FSTL5: variants seen among roughly 807,000 people sequenced by gnomAD.
The protein encoded by FSTL5 is follistatin-related protein 5.
FSTL5 carries 62 observed loss-of-function variants against 89.1 expected under a neutral mutation model. That is an observed-to-expected ratio of 0.70 (90% CI 0.57 to 0.86). The LOEUF is 0.86. Ranked by LOEUF, FSTL5 falls within the 40% of genes least tolerant of loss-of-function variation. FSTL5 has a pLI of 0.00. For missense variants in FSTL5, 1,057 were observed against 1,001.6 expected, an observed-to-expected ratio of 1.06 and a Z score of -0.75; for synonymous variants, 383 against 346.2, an observed-to-expected ratio of 1.11 and a Z score of -1.18.
chr4:161,415,686 A>G (rs889519787), intron 15 of FSTL5, among the ~76,000 whole-genome samples: 1 of 149,738 alleles, frequency 6.7e-6, no homozygotes, highest in East Asian at 2.2e-4. Context: ...AGAGAAAGAG[A>G]GAGAAAGAGA....
At chr4:161,756,202 G>A (rs1366310479) in intron 6 of FSTL5, among the ~76,000 whole-genome samples, 1 of 149,704 alleles carries the variant, frequency 6.7e-6, no homozygotes, top group Middle Eastern at 3.2e-3. Context: ...TCCACTAAAT[G>A]ATGTTGTGAA....
intron 1 of FSTL5, among the ~76,000 whole-genome samples, chr4:162,163,248 A>C (rs2110775257): frequency 6.6e-6 from 1 of 152,146 alleles, no homozygotes; most frequent in South Asian, 2.1e-4. Context: ...GATTTATTTA[A>C]CATCATTTGC....
intron 8 of FSTL5, among the ~76,000 whole-genome samples, chr4:161,551,881 C>T (rs922325052): frequency 2.6e-5 from 4 of 151,900 alleles, no homozygotes; most frequent in African/African-American, 9.7e-5. Flanking sequence ...ACCATAAAAA[C>T]CCTAGAAGAA....
At chr4:161,911,684 T>A (rs895988018) in intron 4 of FSTL5, among the ~76,000 whole-genome samples, 4 of 152,156 alleles carry the variant, frequency 2.6e-5, no homozygotes, top group Non-Finnish European at 5.9e-5. Context: ...GGCCAATAAA[T>A]AATTTCTAGC....
At position 161,385,721 on chromosome 4, in the gene FSTL5, C is replaced by A. The variant is rs1447634745; in HGVS notation, c.*26G>T. On this transcript the variant is annotated 3_prime_UTR_variant, in exon 16 of 16. Coordinates refer to ENST00000306100, the MANE Select transcript of FSTL5 (RefSeq NM_020116.5). ...AAGTGCAATGTATTGTAAAACGCTT[C>A]ATTCAATAATTGTATCGTAGGGTTT... The A allele has an allele frequency of 6.2e-6, 9 of 1,440,824 alleles. No individual in the cohort carries two copies. Among genetic ancestry groups the A allele is most frequent in the Admixed American group, 2.1e-5 (1 of 46,744 alleles). 89.3% of individuals were successfully genotyped at this position (1,440,824 alleles called of 1,614,324 possible). A position where few individuals can be genotyped will look rare whatever the true frequency, so the allele number is the denominator to read the frequency against.
rs138334124 is a variant in FSTL5 at position 161,691,454 on chromosome 4, G to A, written c.728-34960C>T. Among the ~76,000 whole-genome samples the A allele has an allele frequency of 6.0e-3, 908 of 152,170 alleles. 13 individuals are homozygous for A. Among genetic ancestry groups the A allele is most frequent in the South Asian group, 0.048 (229 of 4,820 alleles). On this transcript the variant is annotated intron_variant, in intron 6 of 15. Transcript: ENST00000306100. ...GTTATATTTTTGCAGTTTTGAAATT[G>A]AGGCATGTGAATCTTCCCAATTTGT...
intron 4 of FSTL5, among the ~76,000 whole-genome samples, chr4:161,791,337 T>G (rs2126820407): frequency 6.6e-6 from 1 of 152,332 alleles, no homozygotes; most frequent in South Asian, 2.1e-4. Context: ...CTTTGTTTAT[T>G]AGACATATTG....
At chr4:162,089,446 C>A (rs1486628262) in intron 2 of FSTL5, among the ~76,000 whole-genome samples, 2 of 151,588 alleles carry the variant, frequency 1.3e-5, no homozygotes, top group African/African-American at 4.8e-5. Flanking sequence ...ACTAGCCTGG[C>A]CAACATGGTG....
chr4:161,954,487 A>G (rs560941216), intron 3 of FSTL5, among the ~76,000 whole-genome samples: 2 of 150,104 alleles, frequency 1.3e-5, no homozygotes, highest in East Asian at 3.9e-4. Flanking sequence ...ATCCCTTCAG[A>G]CCACCCATTG....
chr4:161,946,717 C>T (rs1734743990), intron 3 of FSTL5, among the ~76,000 whole-genome samples: 1 of 152,150 alleles, frequency 6.6e-6, no homozygotes, highest in African/African-American at 2.4e-5. Flanking sequence ...TTCATGGACA[C>T]ATATTTTTGT....
At chr4:161,869,893 T>C (rs1732208749) in intron 4 of FSTL5, among the ~76,000 whole-genome samples, 4 of 152,352 alleles carry the variant, frequency 2.6e-5, no homozygotes, top group African/African-American at 9.6e-5. Context: ...TTAAAATTTC[T>C]CCTTGTCTTC....
chr4:161,884,060 A>AT (rs5863496), intron 4 of FSTL5, among the ~76,000 whole-genome samples: 126,023 of 151,226 alleles, frequency 0.83, 53,075 homozygotes, highest in Non-Finnish European at 0.89. Context: ...TTTTAATTTA[A>AT]TTTTTTTTGA....
chr4:161,943,641 C>G (rs184082723), intron 3 of FSTL5, among the ~76,000 whole-genome samples: 1 of 145,630 alleles, frequency 6.9e-6, no homozygotes, highest in African/African-American at 2.5e-5. Context: ...CTGCAAGCCC[C>G]GCCTCCAAGG....
rs370133779 is a variant in FSTL5 at position 161,894,374 on chromosome 4, T to C, written c.409+26030A>G. On this transcript the variant is annotated intron_variant, in intron 4 of 15. Transcript: ENST00000306100. ...GAATCACCACCAATGTCCATCTCTG[T>C]TTTGTATTTGAAAAGCTAAGAGCAA... 1.6e-4 allele frequency among the ~76,000 whole-genome samples: 25 copies of C among 152,358 alleles called. No individual in the cohort carries two copies. In the East Asian group the frequency reaches 1.7e-3, roughly 11 times the overall value.
intron 2 of FSTL5, among the ~76,000 whole-genome samples, chr4:162,052,989 AAG>A (rs1355859675): frequency 6.6e-6 from 1 of 151,792 alleles, no homozygotes; most frequent in African/African-American, 2.4e-5. Flanking sequence ...CAATGGGAAG[AAG>A]AGTTACATAG....
rs9308041 is a variant in FSTL5 at position 162,114,529 on chromosome 4, GACACACACACACACACACACAC to G, written c.-16-3139_-16-3118del. The stretch of plus-strand genomic sequence containing the variant: ...TTCCCTCTCTTTCTCTTTGTGTGTG[GACACACACACACACACACACAC>G]ACACACACACACACACATATTCTAT... On this transcript the variant is annotated intron_variant, in intron 1 of 15. Transcript: ENST00000306100. 1.3e-4 allele frequency among the ~76,000 whole-genome samples: 20 copies of G among 149,148 alleles called. No homozygotes were observed. The East Asian group carries it at 3.4e-3, about 25-fold the overall frequency.
chr4:161,874,566 A>ATT (rs375519679), intron 4 of FSTL5, among the ~76,000 whole-genome samples: 34 of 135,652 alleles, frequency 2.5e-4, no homozygotes, highest in Middle Eastern at 3.8e-3. Flanking sequence ...TATATTTTAG[A>ATT]TTTTTTTTTT....
chr4:161,637,561 T>A (rs1176454438), intron 7 of FSTL5, among the ~76,000 whole-genome samples: 1 of 149,904 alleles, frequency 6.7e-6, no homozygotes, highest in Non-Finnish European at 1.5e-5. Context: ...TGAATGGTAA[T>A]GCCTAGGTTT....
At chr4:161,622,062 T>C (rs1161519552) in intron 7 of FSTL5, among the ~76,000 whole-genome samples, 1 of 151,976 alleles carries the variant, frequency 6.6e-6, no homozygotes, top group Non-Finnish European at 1.5e-5. Context: ...GATTACTACA[T>C]ATGCTAAAAA....
Sources: gnomAD v4.1 joint callset for allele counts (sites outside exome capture counted in the v4.1 genomes callset) on GRCh38, gnomAD v4.1.1 for gene constraint, MANE v1.5 for transcripts, NCBI Gene and HGNC (gene_info 2026-07-23, HGNC 2026-07-21) for gene names.